EYA2: variants seen among roughly 807,000 people sequenced by gnomAD.
EYA2 encodes the protein protein phosphatase EYA2.
In EYA2, 31 loss-of-function variants were observed where a neutral mutation model predicts 69.2. The observed-to-expected ratio is 0.45, with a 90% CI of 0.34 to 0.60. The LOEUF is 0.60. Ranked by LOEUF, EYA2 falls within the 20% of genes least tolerant of loss-of-function variation. The pLI is 0.02. For missense variants in EYA2, 622 were observed against 701.2 expected, an observed-to-expected ratio of 0.89 and a Z score of 1.28; for synonymous variants, 257 against 279.4, an observed-to-expected ratio of 0.92 and a Z score of 0.80.
At chr20:47,113,184 C>T (rs2032798796) in intron 9 of EYA2, among the ~76,000 whole-genome samples, 3 of 151,992 alleles carry the variant, frequency 2.0e-5, no homozygotes, top group Admixed American at 1.3e-4. Context: ...ATTTTACGTC[C>T]AAATGCAACA....
intron 14 of EYA2, 137 bp from the exon 15 acceptor site, chr20:47,183,154 G>A: frequency 1.3e-6 from 1 of 757,814 alleles, no homozygotes; most frequent in Non-Finnish European, 2.2e-6. Flanking sequence ...CACCTCAGAA[G>A]TTTGCTCAAG....
At chr20:47,151,782 T>A (rs766092800) in intron 10 of EYA2, among the ~76,000 whole-genome samples, 1 of 152,042 alleles carries the variant, frequency 6.6e-6, no homozygotes, top group Non-Finnish European at 1.5e-5. Context: ...GTAATTGATG[T>A]GAATTCTGTG....
At chr20:47,093,214 C>A (rs1194229904) in intron 8 of EYA2, among the ~76,000 whole-genome samples, 1 of 152,198 alleles carries the variant, frequency 6.6e-6, no homozygotes, top group African/African-American at 2.4e-5. Context: ...TCCTTTCCCT[C>A]TACTCCCAAT....
At chr20:47,004,083 G>T (rs1360970311) in intron 3 of EYA2, among the ~76,000 whole-genome samples, 1 of 152,212 alleles carries the variant, frequency 6.6e-6, no homozygotes, top group African/African-American at 2.4e-5. Context: ...GCCCATTATA[G>T]AACCTGTTGT....
intron 2 of EYA2, among the ~76,000 whole-genome samples, chr20:46,992,586 T>C (rs989717498): frequency 1.2e-4 from 19 of 152,210 alleles, no homozygotes; most frequent in Non-Finnish European, 4.4e-5. Context: ...TGCCAAGCTG[T>C]AAGAGTCTCC....
intron 10 of EYA2, among the ~76,000 whole-genome samples, chr20:47,165,657 A>C (rs1321819600): frequency 6.6e-6 from 1 of 152,164 alleles, no homozygotes; most frequent in Non-Finnish European, 1.5e-5. Flanking sequence ...ACCTGCCACA[A>C]AGTTGCTGTG....
intron 1 of EYA2, among the ~76,000 whole-genome samples, chr20:46,982,910 A>G (rs995979991): frequency 6.6e-6 from 1 of 151,818 alleles, no homozygotes; most frequent in Non-Finnish European, 1.5e-5. Flanking sequence ...AGTAGCTGAG[A>G]TTACAGGCAC....
At chr20:47,039,337 A>G (rs1376317998) in intron 5 of EYA2, among the ~76,000 whole-genome samples, 1 of 152,210 alleles carries the variant, frequency 6.6e-6, no homozygotes, top group African/African-American at 2.4e-5. Context: ...TATGAAATTC[A>G]AATTTCAGTG....
At chr20:47,000,085 G>C (rs1025233493) in intron 2 of EYA2, among the ~76,000 whole-genome samples, 2 of 152,164 alleles carry the variant, frequency 1.3e-5, no homozygotes, top group East Asian at 3.9e-4. Context: ...TTCCTGTGTG[G>C]CCCTGGGTGA....
chr20:46,982,359 C>T (rs1308195104), intron 1 of EYA2, among the ~76,000 whole-genome samples: 1 of 152,096 alleles, frequency 6.6e-6, no homozygotes, highest in African/African-American at 2.4e-5. Flanking sequence ...CTTTTATTCC[C>T]CCTCTGACTG....
At chr20:47,145,634 C>G (rs1471297121) in intron 10 of EYA2, among the ~76,000 whole-genome samples, 1 of 152,150 alleles carries the variant, frequency 6.6e-6, no homozygotes, top group African/African-American at 2.4e-5. Flanking sequence ...CATGGTGGCT[C>G]ACACCTGTAA....
intron 5 of EYA2, among the ~76,000 whole-genome samples, chr20:47,060,813 G>A (rs1437131635): frequency 6.6e-6 from 1 of 151,524 alleles, no homozygotes; most frequent in South Asian, 2.1e-4. Context: ...GAAGTGAAGG[G>A]TCCACAGCTG....
intron 1 of EYA2, among the ~76,000 whole-genome samples, chr20:46,922,120 G>A (rs1985205743): frequency 6.6e-6 from 1 of 152,222 alleles, no homozygotes; most frequent in Admixed American, 6.5e-5. Context: ...CTGTTCTAGT[G>A]CATTTTCCAC....
At chr20:46,949,228 C>T (rs1978653258) in intron 1 of EYA2, among the ~76,000 whole-genome samples, 1 of 152,176 alleles carries the variant, frequency 6.6e-6, no homozygotes, top group Non-Finnish European at 1.5e-5. Flanking sequence ...TTTAAGTCCT[C>T]TTAGAAAGAC....
In EYA2 at chr20:47,011,984, TCTC is replaced by T. The variant is rs149208238; in HGVS notation, c.299-4193_299-4191del. 8.7e-3 allele frequency among the ~76,000 whole-genome samples: 1,318 copies of T among 152,312 alleles called. 22 individuals carry two copies. The highest frequency in any genetic ancestry group is 0.03 in the African/African-American group (1,253 of 41,558). On this transcript the variant is annotated intron_variant, in intron 4 of 15. Coordinates refer to ENST00000327619, the MANE Select transcript of EYA2 (RefSeq NM_005244.5). Reference sequence around the variant, plus strand: ...TTACCCAAAAAGTATTTTGTATGCTTCTCCTCTGCTGTGTGTTTTTACTTGTTT... The same window carrying T: ...TTACCCAAAAAGTATTTTGTATGCTTCTCTGCTGTGTGTTTTTACTTGTTT...
intron 1 of EYA2, among the ~76,000 whole-genome samples, chr20:46,913,985 G>A (rs527944158): frequency 5.9e-5 from 9 of 152,302 alleles, no homozygotes; most frequent in African/African-American, 1.9e-4. Context: ...GGCCAGGCCA[G>A]GCCTCCCACC....
intron 15 of EYA2, among the ~76,000 whole-genome samples, chr20:47,185,056 A>C (rs8115769): frequency 0.56 from 85,686 of 151,918 alleles, 26,008 homozygotes; most frequent in African/African-American, 0.81. Context: ...GGCCACCGGA[A>C]ATCTGAGCGG....
chr20:47,005,151 TTG>T, intron 4 of EYA2, 67 bp downstream of exon 4: 4 of 1,553,882 alleles, frequency 2.6e-6, no homozygotes, highest in Non-Finnish European at 3.5e-6. Flanking sequence ...TTCTGCACTA[TTG>T]TCTCAGCTAA....
At chr20:46,972,686 G>A (rs558089741) in intron 1 of EYA2, among the ~76,000 whole-genome samples, 4 of 152,276 alleles carry the variant, frequency 2.6e-5, no homozygotes, top group Admixed American at 2.0e-4. Context: ...TTGAAGCAGA[G>A]AAGTCAAGGA....
Sources: gnomAD v4.1 joint callset for allele counts (sites outside exome capture counted in the v4.1 genomes callset) on GRCh38, gnomAD v4.1.1 for gene constraint, MANE v1.5 for transcripts, NCBI Gene and HGNC (gene_info 2026-07-23, HGNC 2026-07-21) for gene names.